The following IL1RAP variants were observed in gnomAD, a reference collection of about 807,000 sequenced individuals.
IL1RAP encodes the protein interleukin 1 receptor accessory protein.
In IL1RAP, 35 loss-of-function variants were observed where a neutral mutation model predicts 60.7. That is an observed-to-expected ratio of 0.58 (90% CI 0.44 to 0.76). The LOEUF (loss-of-function observed/expected upper bound fraction) is 0.76. Ranked by LOEUF, IL1RAP falls within the 30% of genes least tolerant of loss-of-function variation. IL1RAP has a pLI of 0.00. For synonymous variants in IL1RAP, 268 were observed against 250.9 expected (o/e 1.07, Z -0.64); for missense variants, 572 against 693.9 (o/e 0.82, Z 1.97).
downstream of IL1RAP, among the ~76,000 whole-genome samples, chr3:190,654,704 A>G (rs1734552817): frequency 6.6e-6 from 1 of 152,154 alleles, no homozygotes; most frequent in African/African-American, 2.4e-5. Context: ...CAAGGCTGAA[A>G]ACTCTCTCCG....
At chr3:190,653,265 A>G (rs1386642801), downstream of IL1RAP, among the ~76,000 whole-genome samples, 1 of 152,250 alleles carries the variant, frequency 6.6e-6, no homozygotes, top group African/African-American at 2.4e-5. Flanking sequence ...GTTGAGCAAC[A>G]GTAATTTAAT....
chr3:190,574,153 A>G (rs1295071332), intron 3 of IL1RAP, among the ~76,000 whole-genome samples: 1 of 152,102 alleles, frequency 6.6e-6, no homozygotes, highest in Non-Finnish European at 1.5e-5. Flanking sequence ...ATGATACGGA[A>G]CACACATATT....
At chr3:190,604,826 C>G (rs908448196) in intron 4 of IL1RAP, among the ~76,000 whole-genome samples, 1 of 152,166 alleles carries the variant, frequency 6.6e-6, no homozygotes, top group South Asian at 2.1e-4. Flanking sequence ...AAGAGAAACT[C>G]AGGTGCATTG....
chr3:190,641,417 A>G (rs367627154), intron 9 of IL1RAP, among the ~76,000 whole-genome samples: 4 of 152,142 alleles, frequency 2.6e-5, no homozygotes, highest in African/African-American at 7.2e-5. Flanking sequence ...CCTGTAGAGA[A>G]CCTCTTGCAT....
At chr3:190,638,815 T>C (rs990998613) in intron 9 of IL1RAP, among the ~76,000 whole-genome samples, 5 of 152,176 alleles carry the variant, frequency 3.3e-5, no homozygotes, top group Non-Finnish European at 5.9e-5. Context: ...GCACAATTAA[T>C]TGGAAAGATT....
intron 1 of IL1RAP, among the ~76,000 whole-genome samples, chr3:190,536,290 A>G (rs1723454353): frequency 6.6e-6 from 1 of 151,464 alleles, no homozygotes; most frequent in Non-Finnish European, 1.5e-5. Flanking sequence ...TCTTTTTTTA[A>G]TTTTTTTTTA....
chr3:190,631,505 T>C (rs980806649), intron 9 of IL1RAP, among the ~76,000 whole-genome samples: 4 of 152,164 alleles, frequency 2.6e-5, no homozygotes, highest in Non-Finnish European at 5.9e-5. Context: ...TTTCCGGTGG[T>C]ACCAGAGGAG....
At chr3:190,656,142 C>T (rs1340515606), downstream of IL1RAP, 5 of 1,537,310 alleles carry the variant, frequency 3.3e-6, no homozygotes, top group East Asian at 1.2e-4. Context: ...AACATTCTGG[C>T]TCTAAATTCT....
chr3:190,607,771 C>G (rs1339478963), intron 4 of IL1RAP, among the ~76,000 whole-genome samples: 1 of 152,150 alleles, frequency 6.6e-6, no homozygotes, highest in East Asian at 1.9e-4. Flanking sequence ...TACATTCTCA[C>G]AACAACTTGG....
chr3:190,628,890 C>A (rs1241089456), intron 8 of IL1RAP, among the ~76,000 whole-genome samples: 1 of 152,178 alleles, frequency 6.6e-6, no homozygotes, highest in Non-Finnish European at 1.5e-5. Flanking sequence ...ATGTAATGCA[C>A]TGTGTGGGCA....
chr3:190,531,796 C>T (rs575430726), intron 1 of IL1RAP, among the ~76,000 whole-genome samples: 12 of 152,308 alleles, frequency 7.9e-5, no homozygotes, highest in African/African-American at 2.6e-4. Context: ...CACATGAAAT[C>T]GGGTGACTAC....
chr3:190,520,283 G>GA (rs1344136545), intron 1 of IL1RAP, among the ~76,000 whole-genome samples: 1 of 152,154 alleles, frequency 6.6e-6, no homozygotes, highest in African/African-American at 2.4e-5. Flanking sequence ...ATGTCAGTGG[G>GA]CCCAAAATTG....
At chr3:190,577,472 A>G (rs1577641807) in intron 3 of IL1RAP, among the ~76,000 whole-genome samples, 2 of 151,912 alleles carry the variant, frequency 1.3e-5, no homozygotes, top group Admixed American at 6.6e-5. Context: ...GTCATCATCA[A>G]CCCCCGGCTG....
At chr3:190,534,629 T>C (rs866870943) in intron 1 of IL1RAP, among the ~76,000 whole-genome samples, 1 of 152,138 alleles carries the variant, frequency 6.6e-6, no homozygotes, top group Non-Finnish European at 1.5e-5. Flanking sequence ...TATAGGACCA[T>C]TGCCTGTTCA....
At chr3:190,544,192 A>G (rs903282571) in intron 1 of IL1RAP, among the ~76,000 whole-genome samples, 2 of 152,286 alleles carry the variant, frequency 1.3e-5, no homozygotes, top group African/African-American at 4.8e-5. Flanking sequence ...GCTGGGTCTC[A>G]TAGGTGCTTA....
At chr3:190,652,184 G>T (rs1191526400), downstream of IL1RAP, among the ~76,000 whole-genome samples, 6 of 151,986 alleles carry the variant, frequency 3.9e-5, no homozygotes, top group African/African-American at 1.2e-4. Flanking sequence ...AAAATCCCTG[G>T]CCAGGCGCGG....
intron 5 of IL1RAP, among the ~76,000 whole-genome samples, chr3:190,612,834 G>A (rs1183358198): frequency 6.6e-6 from 1 of 152,122 alleles, no homozygotes; most frequent in African/African-American, 2.4e-5. Context: ...AGAATTAAAT[G>A]CATTTTTGAC....
intron 3 of IL1RAP, among the ~76,000 whole-genome samples, chr3:190,582,342 G>A (rs1208345992): frequency 6.8e-6 from 1 of 146,248 alleles, no homozygotes; most frequent in Non-Finnish European, 1.5e-5. Flanking sequence ...CATTTGAGAT[G>A]GAGTTTCACT....
intron 1 of IL1RAP, among the ~76,000 whole-genome samples, chr3:190,536,726 G>T (rs1723493693): frequency 6.6e-6 from 1 of 152,114 alleles, no homozygotes. Context: ...GTGAATTAGG[G>T]TGACAACCAT....
Sources: allele counts gnomAD v4.1 joint callset (sites outside exome capture counted in the v4.1 genomes callset), GRCh38; gene constraint gnomAD v4.1.1; transcripts MANE v1.5; gene names NCBI Gene and HGNC (gene_info 2026-07-23, HGNC 2026-07-21).